The following VWA8 variants were observed in gnomAD, a reference collection of about 807,000 sequenced individuals.
The protein encoded by VWA8 is von Willebrand factor A domain-containing protein 8.
VWA8 carries 221 observed loss-of-function variants against 241.5 expected under a neutral mutation model. That is an observed-to-expected ratio of 0.91 (90% CI 0.82 to 1.02). The LOEUF (loss-of-function observed/expected upper bound fraction) is 1.02, where lower values mean the gene tolerates loss of function less well. VWA8 is among the 50% of genes least tolerant of loss of function. The pLI, the probability that VWA8 is intolerant of heterozygous loss-of-function variation, is 0.00. For missense variants in VWA8, 2,322 were observed against 2,328.7 expected (o/e 1.00, Z 0.06); for synonymous variants, 852 against 827.1 (o/e 1.03, Z -0.52).
chr13:41,903,446 A>G (rs1204100644), intron 4 of VWA8, among the ~76,000 whole-genome samples: 1 of 152,182 alleles, frequency 6.6e-6, no homozygotes, highest in Non-Finnish European at 1.5e-5. Flanking sequence ...GCAGGGAAAT[A>G]GGTAAGTTCA....
At chr13:41,784,371 A>G (rs979295661) in intron 18 of VWA8, among the ~76,000 whole-genome samples, 1 of 152,076 alleles carries the variant, frequency 6.6e-6, no homozygotes, top group Non-Finnish European at 1.5e-5. Flanking sequence ...GAACTCTTAA[A>G]TTACTATTTT....
intron 17 of VWA8, among the ~76,000 whole-genome samples, chr13:41,791,399 C>A (rs114465617): frequency 1.3e-5 from 2 of 151,534 alleles, no homozygotes; most frequent in South Asian, 4.2e-4. Context: ...TGAAAAGTAA[C>A]CAATTTTTGT....
intron 5 of VWA8, among the ~76,000 whole-genome samples, chr13:41,890,418 G>A (rs1210596722): frequency 6.6e-6 from 1 of 152,242 alleles, no homozygotes; most frequent in Non-Finnish European, 1.5e-5. Context: ...TAGCCACAGA[G>A]AGATCCAGCA....
intron 29 of VWA8, among the ~76,000 whole-genome samples, chr13:41,697,481 T>G (rs1337380511): frequency 6.6e-6 from 1 of 152,202 alleles, no homozygotes; most frequent in African/African-American, 2.4e-5. Context: ...GGGACCAGTT[T>G]TGTGGAAGAC....
chr13:41,799,622 G>A (rs76216291), intron 17 of VWA8, among the ~76,000 whole-genome samples: 2,001 of 152,192 alleles, frequency 0.013, 24 homozygotes, highest in Middle Eastern at 0.051. Flanking sequence ...AGCCACGTCC[G>A]TTGTCCCCAA....
At chr13:41,588,046 A>T (rs1478808705) in intron 41 of VWA8, among the ~76,000 whole-genome samples, 1 of 152,240 alleles carries the variant, frequency 6.6e-6, no homozygotes, top group Non-Finnish European at 1.5e-5. Flanking sequence ...CAGTAACTCT[A>T]GCAAGAGTTT....
chr13:41,873,864 G>A (rs868360965), intron 9 of VWA8, among the ~76,000 whole-genome samples: 11 of 152,042 alleles, frequency 7.2e-5, no homozygotes, highest in South Asian at 2.1e-4. Flanking sequence ...TACCAAAGCC[G>A]GGCAGAGACA....
At chr13:41,657,650 C>A (rs947802166) in intron 37 of VWA8, among the ~76,000 whole-genome samples, 1 of 151,874 alleles carries the variant, frequency 6.6e-6, no homozygotes, top group Non-Finnish European at 1.5e-5. Context: ...CCACCGCGCC[C>A]GGCTAATTTT....
chr13:41,643,473 A>T (rs1308867341), intron 37 of VWA8, among the ~76,000 whole-genome samples: 2 of 152,228 alleles, frequency 1.3e-5, no homozygotes, highest in Non-Finnish European at 2.9e-5. Context: ...CAAAGGAATC[A>T]ATAATGAATG....
intron 2 of VWA8, among the ~76,000 whole-genome samples, chr13:41,918,778 G>GTA (rs1876375253): frequency 6.6e-6 from 1 of 151,904 alleles, no homozygotes; most frequent in African/African-American, 2.4e-5. Flanking sequence ...ATACAAAATA[G>GTA]TATATACAGT....
chr13:41,856,851 A>AG (rs1044687499), intron 12 of VWA8, among the ~76,000 whole-genome samples: 2 of 151,716 alleles, frequency 1.3e-5, no homozygotes, highest in Non-Finnish European at 2.9e-5. Flanking sequence ...AAAAAAAAAA[A>AG]AAAGAAAGAA....
intron 22 of VWA8, 102 bp downstream of exon 22, chr13:41,731,978 C>G: frequency 1.0e-6 from 1 of 962,694 alleles, no homozygotes. Flanking sequence ...AGCATGAAAA[C>G]AGACTAATAC....
Position 41,693,040 on chromosome 13 carries a change from C to T in VWA8, c.3565-68G>A, listed in dbSNP as rs2045190621. 40 of 1,073,416 alleles carry T rather than the reference C, an allele frequency of 3.7e-5. No individual in the cohort carries two copies. In the South Asian group the frequency reaches 6.0e-4, roughly 16 times the overall value. The allele number at this position is 1,073,416 out of a possible 1,614,324, so 66.5% of individuals were successfully genotyped here. A position where few individuals can be genotyped will look rare whatever the true frequency, so the allele number is the denominator to read the frequency against. On this transcript the variant is annotated intron_variant, in intron 29 of 44. Transcript: ENST00000379310. The stretch of plus-strand genomic sequence containing the variant: ...TTTTTTTTTTTTTTTAAAGCAGCAA[C>T]CTCTTGGCAACCTGACAGTGAAGGT...
chr13:41,739,072 T>G (rs1018006771), intron 21 of VWA8, among the ~76,000 whole-genome samples: 4 of 152,190 alleles, frequency 2.6e-5, no homozygotes, highest in African/African-American at 9.7e-5. Context: ...CAACAAATAT[T>G]TATTGAATAC....
intron 2 of VWA8, among the ~76,000 whole-genome samples, chr13:41,931,535 G>T (rs1246432008): frequency 6.6e-6 from 1 of 151,994 alleles, no homozygotes; most frequent in Non-Finnish European, 1.5e-5. Context: ...CTGTGAAATT[G>T]TATTGAAATT....
intron 17 of VWA8, among the ~76,000 whole-genome samples, chr13:41,803,633 A>G: frequency 6.6e-6 from 1 of 152,172 alleles, no homozygotes; most frequent in East Asian, 1.9e-4. Context: ...CCCGTGATTA[A>G]TTATCTCCTA....
chr13:41,822,275 T>G (rs974906111), intron 14 of VWA8, among the ~76,000 whole-genome samples: 1 of 152,116 alleles, frequency 6.6e-6, no homozygotes, highest in Non-Finnish European at 1.5e-5. Context: ...TTGGGGAACT[T>G]GAAAGAATAA....
At chr13:41,863,429 G>GAA (rs1873116721) in intron 12 of VWA8, among the ~76,000 whole-genome samples, 7 of 72,660 alleles carry the variant, frequency 9.6e-5, no homozygotes, top group Admixed American at 1.5e-4. Context: ...GTGTGTGTGT[G>GAA]TGTGTATATA....
In VWA8 at chr13:41,741,125, G is replaced by C. The variant is rs529237718; in HGVS notation, c.2427-8970C>G. On this transcript the variant is annotated intron_variant, in intron 21 of 44. Coordinates refer to ENST00000379310, the MANE Select transcript of VWA8 (RefSeq NM_015058.2). ...TAAAATACTTATTACGTATTTTAACGATCTCATTCTCCCTCTCACCAGCAA... is the reference window on the plus strand; with the variant it reads ...TAAAATACTTATTACGTATTTTAACCATCTCATTCTCCCTCTCACCAGCAA... 2.0e-5 allele frequency among the ~76,000 whole-genome samples: 3 copies of C among 152,080 alleles called. No individual in the cohort carries two copies. The South Asian group carries it at 6.2e-4, about 32-fold the overall frequency.
Sources: allele counts gnomAD v4.1 joint callset (sites outside exome capture counted in the v4.1 genomes callset), GRCh38; gene constraint gnomAD v4.1.1; transcripts MANE v1.5; gene names NCBI Gene and HGNC (gene_info 2026-07-23, HGNC 2026-07-21).